The following TM4SF5 variants were observed in gnomAD, a reference collection of about 807,000 sequenced individuals.
TM4SF5 encodes transmembrane 4 L six family member 5, also known as transmembrane 4 L6 family member 5.
TM4SF5 carries 16 observed loss-of-function variants against 22.3 expected under a neutral mutation model. The ratio of observed to expected loss-of-function variants is 0.72; its 90% confidence interval spans 0.49 to 1.09. The LOEUF is 1.09. Among genes scored for constraint, TM4SF5 ranks in the 50% least tolerant of loss-of-function variants. The probability of loss-of-function intolerance (pLI) is 0.00; values close to 1 mark genes in which losing one functional copy is unlikely to be tolerated. For missense variants in TM4SF5, 249 were observed against 266.1 expected (o/e 0.94, Z 0.45); for synonymous variants, 113 against 109.6 (o/e 1.03, Z -0.19).
chr17:4,779,297 C>T (rs757983856), intron 1 of TM4SF5, among the ~76,000 whole-genome samples: 22 of 151,998 alleles, frequency 1.4e-4, no homozygotes, highest in Non-Finnish European at 2.6e-4. Flanking sequence ...GGAATGATGA[C>T]GCATGCCTGC....
At chr17:4,779,740 G>C (rs12051548) in intron 1 of TM4SF5, among the ~76,000 whole-genome samples, 12,400 of 152,230 alleles carry the variant, frequency 0.081, 976 homozygotes, top group East Asian at 0.38. Context: ...TGTGAGATGA[G>C]CGTGAGGCTG....
At chr17:4,778,688 G>T (rs1917248012) in intron 1 of TM4SF5, among the ~76,000 whole-genome samples, 1 of 152,120 alleles carries the variant, frequency 6.6e-6, no homozygotes, top group South Asian at 2.1e-4. Context: ...CAAAGAACCT[G>T]ACCTGGTGCA....
In TM4SF5 at chr17:4,780,937, T is replaced by C. The variant is rs933208887; in HGVS notation, c.258+68T>C. 3.6e-6 allele frequency: 5 copies of C among 1,398,054 alleles called. No individual in the cohort carries two copies. The African/African-American group carries it at 7.1e-5, about 20-fold the overall frequency. The allele number at this position is 1,398,054 out of a possible 1,614,324, so 86.6% of individuals were successfully genotyped here. A position where few individuals can be genotyped will look rare whatever the true frequency, so the allele number is the denominator to read the frequency against. On this transcript the variant is annotated intron_variant, in intron 2 of 4. Transcript: ENST00000270560. Reference sequence around the variant, plus strand: ...TCTCATGCCTGTAATCCCAACACTTTAGCAGGCTGAGGTGGGAGTACGGCT... The same window carrying C: ...TCTCATGCCTGTAATCCCAACACTTCAGCAGGCTGAGGTGGGAGTACGGCT...
At chr17:4,778,755 G>A (rs981891374) in intron 1 of TM4SF5, among the ~76,000 whole-genome samples, 1 of 151,982 alleles carries the variant, frequency 6.6e-6, no homozygotes, top group Non-Finnish European at 1.5e-5. Context: ...ACAAGAGTTA[G>A]GCGTTCAAGT....
rs115610940 is a variant in TM4SF5, at chr17:4,782,416, T to A, written c.259-87T>A. 2.0e-3 allele frequency: 3,061 copies of A among 1,523,646 alleles called. 56 individuals are homozygous for A. The African/African-American group carries it at 0.037, about 18-fold the overall frequency. 94.4% of individuals were successfully genotyped at this position (1,523,646 alleles called of 1,614,324 possible). A position where few individuals can be genotyped will look rare whatever the true frequency, so the allele number is the denominator to read the frequency against. On this transcript the variant is annotated intron_variant, in intron 2 of 4. Transcript: ENST00000270560. Reference sequence around the variant, plus strand: ...TTTTAACAACCCGACTGGAGCAGATTTCGATAATGCGTGGGGGCTGGCGCT... The same window carrying A: ...TTTTAACAACCCGACTGGAGCAGATATCGATAATGCGTGGGGGCTGGCGCT...
chr17:4,774,899 C>A (rs1917179508), intron 1 of TM4SF5, among the ~76,000 whole-genome samples: 1 of 152,172 alleles, frequency 6.6e-6, no homozygotes. Flanking sequence ...AAGAGTGAAA[C>A]TCTGTCTCAA....
Position 4,782,595 on chromosome 17 carries a change from A to C in TM4SF5, c.351A>C (p.Arg117Ser). The change falls in exon 3 of 5, where the codon AGA (arginine) becomes AGC (serine). Residue 117 changes from arginine to serine, a missense_variant. Physicochemically the swap from Arg to Ser is moderately radical, Grantham distance 110. Transcript: ENST00000270560. ...GAGCTGGGCTCCGAAATGGACCCAGATGCTTAATGAACGGCGAGTGGGGCT... is the reference window on the plus strand; with the variant it reads ...GAGCTGGGCTCCGAAATGGACCCAGCTGCTTAATGAACGGCGAGTGGGGCT... Reference protein sequence around the residue: ...VSGAGLRNGPRCLMNGEWGYH... With the variant: ...VSGAGLRNGPSCLMNGEWGYH... 4 of 1,614,058 alleles carry C rather than the reference A, an allele frequency of 2.5e-6. No individual in the cohort carries two copies. The highest frequency in any genetic ancestry group is 3.4e-6 in the Non-Finnish European group (4 of 1,179,964).
intron 1 of TM4SF5, among the ~76,000 whole-genome samples, chr17:4,775,607 C>T (rs541812625): frequency 6.6e-6 from 1 of 151,878 alleles, no homozygotes; most frequent in South Asian, 2.1e-4. Context: ...CGGTTTAAAA[C>T]TTTTTATTTA....
Position 4,782,928 on chromosome 17 carries a change from C to G in TM4SF5, c.470C>G (p.Thr157Arg). ...APPRVVPWNV[T>R]LFSLLVAASC... The stretch of plus-strand genomic sequence containing the variant: ...CCTCGCGTGGTCCCCTGGAATGTGA[C>G]GCTCTTCTCGCTGCTGGTGGCCGCC... Residue 157 changes from threonine (T) to arginine (R), a missense_variant, in exon 4 of 5, where the codon ACG becomes AGG. Thr to Arg is a moderately conservative substitution (Grantham distance 71, BLOSUM62 -1). Transcript: ENST00000270560. 1 of 1,614,240 alleles carries G rather than the reference C, an allele frequency of 6.2e-7. No individual in the cohort carries two copies. Among genetic ancestry groups the G allele is most frequent in the Non-Finnish European group, 8.5e-7 (1 of 1,180,050 alleles).
chr17:4,782,874 G>T lies in TM4SF5; in HGVS notation c.416G>T (p.Arg139Leu). ...EDTAGAYLLN[R>L]TLWDRCEAPP... is the part of the protein sequence containing the mutation. ...CACAGGGGAGCTTACTTGCTCAACCGCACTCTATGGGATCGGTGCGAGGCG... is the reference window on the plus strand; with the variant it reads ...CACAGGGGAGCTTACTTGCTCAACCTCACTCTATGGGATCGGTGCGAGGCG... The change falls in exon 4 of 5, where the codon CGC becomes CTC. Residue 139 changes from arginine to leucine, a missense_variant. Physicochemically the swap from Arg to Leu is moderately radical, Grantham distance 102 (BLOSUM62 -2). Coordinates refer to ENST00000270560, the MANE Select transcript of TM4SF5 (RefSeq NM_003963.3). The T allele has an allele frequency of 1.2e-6, 2 of 1,613,572 alleles. No homozygotes were observed. The highest frequency in any genetic ancestry group is 1.1e-5 in the South Asian group (1 of 91,020).
Position 4,781,483 on chromosome 17 carries a change from CA to C in TM4SF5, c.258+622del, listed in dbSNP as rs537050971. ...GGGCAACAAGAGCAAAACTCCGCCT[CA>C]AAAAAAATGTATTTTTATTTTATTT... On this transcript the variant is annotated intron_variant, in intron 2 of 4. Transcript: ENST00000270560. Among the ~76,000 whole-genome samples the C allele has an allele frequency of 4.3e-3, 650 of 151,280 alleles. 4 individuals are homozygous for C. The highest frequency in any genetic ancestry group is 0.014 in the African/African-American group (575 of 41,332).
chr17:4,777,787 G>A (rs1302295442), intron 1 of TM4SF5, among the ~76,000 whole-genome samples: 2 of 152,078 alleles, frequency 1.3e-5, no homozygotes, highest in Non-Finnish European at 2.9e-5. Flanking sequence ...GGGAGGCTGA[G>A]GCAGGAGAAT....
At chr17:4,776,273 C>CTGTTTGTT (rs145804643) in intron 1 of TM4SF5, among the ~76,000 whole-genome samples, 2 of 151,648 alleles carry the variant, frequency 1.3e-5, no homozygotes, top group African/African-American at 4.9e-5. Context: ...ATACATTCTA[C>CTGTTTGTT]TGTTTGTTTG....
chr17:4,774,513 C>G (rs1917173617), intron 1 of TM4SF5, among the ~76,000 whole-genome samples: 1 of 152,178 alleles, frequency 6.6e-6, no homozygotes. Context: ...CGCCACTGCA[C>G]TCCAGCCTGG....
At position 4,771,998 on chromosome 17, in the gene TM4SF5, G is replaced by A. The variant is rs200875152; in HGVS notation, c.76G>A (p.Ala26Thr). 1.7e-5 allele frequency: 28 copies of A among 1,614,148 alleles called. No homozygotes were observed. In the East Asian group the frequency reaches 2.0e-4, roughly 12 times the overall value. The change falls in exon 1 of 5, where the codon GCC (alanine) becomes ACC (threonine). Residue 26 changes from alanine (A) to threonine (T), a missense_variant. Transcript: ENST00000270560. ...TLCLVCIVAN[A>T]LLLVPNGETS... The stretch of plus-strand genomic sequence containing the variant: ...CTGCCTCGTCTGCATTGTGGCCAAC[G>A]CCCTCCTGCTGGTACCTAATGGGGA...
intron 1 of TM4SF5, among the ~76,000 whole-genome samples, chr17:4,774,737 T>C (rs371532247): frequency 6.6e-6 from 1 of 151,784 alleles, no homozygotes; most frequent in African/African-American, 2.4e-5. Flanking sequence ...AGAAATCCTG[T>C]CTCTACTAAA....
At chr17:4,778,582 G>A (rs565440943) in intron 1 of TM4SF5, among the ~76,000 whole-genome samples, 1 of 152,210 alleles carries the variant, frequency 6.6e-6, no homozygotes, top group South Asian at 2.1e-4. Flanking sequence ...ATTCCAGCCT[G>A]GATGACAGAG....
intron 2 of TM4SF5, 116 bp downstream of exon 2, chr17:4,780,985 C>A: frequency 1.2e-6 from 1 of 829,910 alleles, no homozygotes; most frequent in Non-Finnish European, 1.9e-6. Flanking sequence ...TCTAGACCAG[C>A]CCAGGAAACA....
At chr17:4,773,847 C>A (rs749483733) in intron 1 of TM4SF5, among the ~76,000 whole-genome samples, 7 of 152,194 alleles carry the variant, frequency 4.6e-5, no homozygotes, top group Non-Finnish European at 8.8e-5. Flanking sequence ...TTCAGCGGAG[C>A]TCCCTGAGTC....
Sources: gnomAD v4.1 joint callset for allele counts (sites outside exome capture counted in the v4.1 genomes callset) on GRCh38, gnomAD v4.1.1 for gene constraint, MANE v1.5 for transcripts, NCBI Gene and HGNC (gene_info 2026-07-23, HGNC 2026-07-21) for gene names.